Variants in OLFM3 observed in about 807,000 individuals in gnomAD.
OLFM3 encodes olfactomedin 3.
A neutral mutation model predicts 48.6 loss-of-function variants in OLFM3; 20 were observed. That is an observed-to-expected ratio of 0.41 (90% CI 0.29 to 0.60). The LOEUF (loss-of-function observed/expected upper bound fraction) is 0.60, where lower values mean the gene tolerates loss of function less well. Ranked by LOEUF, OLFM3 falls within the 20% of genes least tolerant of loss-of-function variation. The pLI, the probability that OLFM3 is intolerant of heterozygous loss-of-function variation, is 0.28. For synonymous variants in OLFM3, 222 were observed against 198.1 expected (o/e 1.12, Z -1.01); for missense variants, 437 against 544.3 (o/e 0.80, Z 1.96).
At chr1:101,827,307 A>T (rs1038422010) in intron 3 of OLFM3, among the ~76,000 whole-genome samples, 1 of 151,902 alleles carries the variant, frequency 6.6e-6, no homozygotes, top group Non-Finnish European at 1.5e-5. Context: ...GAAATTGTGT[A>T]ACAGAGGAAG....
intron 1 of OLFM3, among the ~76,000 whole-genome samples, chr1:101,918,280 G>T (rs948067005): frequency 1.3e-5 from 2 of 152,100 alleles, no homozygotes; most frequent in African/African-American, 4.8e-5. Context: ...TATCGCTCCT[G>T]TAACAAATTA....
chr1:101,818,432 T>C (rs1433146659), intron 4 of OLFM3, among the ~76,000 whole-genome samples: 3 of 152,118 alleles, frequency 2.0e-5, no homozygotes, highest in African/African-American at 4.8e-5. Flanking sequence ...ATGGAGACAT[T>C]GCCATTCTAT....
At chr1:101,873,254 A>C (rs1337778230) in intron 1 of OLFM3, among the ~76,000 whole-genome samples, 1 of 151,922 alleles carries the variant, frequency 6.6e-6, no homozygotes, top group Admixed American at 6.6e-5. Flanking sequence ...GCATATGTAT[A>C]TTCATTTATA....
At chr1:101,844,113 T>G (rs1655869097) in intron 1 of OLFM3, among the ~76,000 whole-genome samples, 1 of 152,012 alleles carries the variant, frequency 6.6e-6, no homozygotes, top group Non-Finnish European at 1.5e-5. Context: ...GCAGTAAGGG[T>G]CCCTTGGAAT....
At chr1:101,863,332 A>T (rs1412836721) in intron 1 of OLFM3, among the ~76,000 whole-genome samples, 2 of 152,112 alleles carry the variant, frequency 1.3e-5, no homozygotes, top group African/African-American at 4.8e-5. Flanking sequence ...CTATACTCAT[A>T]CTCCATTCAT....
At chr1:101,816,518 T>C (rs1654346238) in intron 4 of OLFM3, among the ~76,000 whole-genome samples, 1 of 152,138 alleles carries the variant, frequency 6.6e-6, no homozygotes, top group African/African-American at 2.4e-5. Context: ...TCCCATCAAT[T>C]TCACAGGAAA....
At chr1:101,948,974 A>G (rs901880155) in intron 1 of OLFM3, among the ~76,000 whole-genome samples, 3 of 151,042 alleles carry the variant, frequency 2.0e-5, no homozygotes, top group Admixed American at 1.3e-4. Flanking sequence ...CAAACTATGC[A>G]GGAAGTTAGG....
At chr1:101,937,513 A>T (rs1057039964) in intron 1 of OLFM3, among the ~76,000 whole-genome samples, 1 of 152,152 alleles carries the variant, frequency 6.6e-6, no homozygotes, top group Admixed American at 6.5e-5. Context: ...TATGACAGTG[A>T]ATAAGTCCCA....
chr1:101,891,008 T>C (rs984013975), intron 1 of OLFM3, among the ~76,000 whole-genome samples: 10 of 151,930 alleles, frequency 6.6e-5, no homozygotes, highest in Non-Finnish European at 1.0e-4. Context: ...ATTTAGATAA[T>C]CTGGGAATTC....
intron 1 of OLFM3, among the ~76,000 whole-genome samples, chr1:101,855,312 G>C (rs1368346801): frequency 1.3e-5 from 2 of 152,060 alleles, no homozygotes; most frequent in African/African-American, 2.4e-5. Flanking sequence ...TATAGTTAAG[G>C]AACAGAGACA....
In OLFM3 at chr1:101,981,271, A is replaced by G. The variant is rs1476955322; in HGVS notation, c.69+15477T>C. On this transcript the variant is annotated intron_variant, in intron 1 of 5. Coordinates refer to ENST00000370103, the MANE Select transcript of OLFM3 (RefSeq NM_058170.4). ...TACAAGGAAGCTTCCATGCACTCACACACTCTCTTAGCTGAACTTCCAACA... is the reference window on the plus strand; with the variant it reads ...TACAAGGAAGCTTCCATGCACTCACGCACTCTCTTAGCTGAACTTCCAACA... Among the ~76,000 whole-genome samples the G allele has an allele frequency of 2.0e-5, 3 of 151,680 alleles. No homozygotes were observed. The East Asian group carries it at 5.8e-4, about 29-fold the overall frequency.
chr1:101,846,861 G>A lies in OLFM3; in HGVS notation c.70-9836C>T, dbSNP rs192943638. On this transcript the variant is annotated intron_variant, in intron 1 of 5. Coordinates refer to ENST00000370103, the MANE Select transcript of OLFM3 (RefSeq NM_058170.4). Reference sequence around the variant, plus strand: ...GTAACTTACTAAGGTATCCGGAGTCGACAGCCTCGTGGTGTTCAGTCCCAC... The same window carrying A: ...GTAACTTACTAAGGTATCCGGAGTCAACAGCCTCGTGGTGTTCAGTCCCAC... 6.2e-4 allele frequency: 995 copies of A among 1,611,948 alleles called. 7 individuals are homozygous for A. Among genetic ancestry groups the A allele is most frequent in the Admixed American group, 5.2e-4 (31 of 59,986 alleles).
At chr1:101,819,415 A>G (rs1157962619) in intron 4 of OLFM3, among the ~76,000 whole-genome samples, 2 of 152,130 alleles carry the variant, frequency 1.3e-5, no homozygotes, top group East Asian at 3.9e-4. Flanking sequence ...GTATTGGGGA[A>G]AGATCACACT....
At chr1:101,886,079 C>A (rs191832979) in intron 1 of OLFM3, among the ~76,000 whole-genome samples, 1 of 152,096 alleles carries the variant, frequency 6.6e-6, no homozygotes. Flanking sequence ...CAAGCTTGAG[C>A]TTAATTTGGA....
chr1:101,985,066 C>T (rs888401413), intron 1 of OLFM3, among the ~76,000 whole-genome samples: 1 of 152,194 alleles, frequency 6.6e-6, no homozygotes, highest in Admixed American at 6.5e-5. Context: ...TTTTGGCTTT[C>T]CAGCTTCTAG....
intron 1 of OLFM3, among the ~76,000 whole-genome samples, chr1:101,972,770 A>C (rs1660841070): frequency 6.6e-6 from 1 of 152,190 alleles, no homozygotes. Context: ...TATTTTCTAA[A>C]ACCATCCCTA....
rs947889932 is a variant in OLFM3 at position 101,891,578 on chromosome 1, T to C, written c.70-54553A>G. ...CTCTCATTTTTGATGGATTTTTTTT[T>C]CCCTTAGGTTCAAAAGCCCACTGAA... On this transcript the variant is annotated intron_variant, in intron 1 of 5. Coordinates refer to ENST00000370103, the MANE Select transcript of OLFM3 (RefSeq NM_058170.4). 4.6e-5 allele frequency among the ~76,000 whole-genome samples: 7 copies of C among 151,904 alleles called. No individual in the cohort carries two copies. In the East Asian group the frequency reaches 5.8e-4, roughly 13 times the overall value.
chr1:101,921,198 T>TACACAC (rs1195579114), intron 1 of OLFM3, among the ~76,000 whole-genome samples: 3 of 56,076 alleles, frequency 5.3e-5, no homozygotes, highest in African/African-American at 6.1e-5. Context: ...TATTTAAGTT[T>TACACAC]ATACACACAC....
rs551131477 is a variant in OLFM3, at chr1:101,904,412, T to C, written c.70-67387A>G. 2.0e-5 allele frequency among the ~76,000 whole-genome samples: 3 copies of C among 152,176 alleles called. No individual in the cohort carries two copies. In the South Asian group the frequency reaches 6.2e-4, roughly 31 times the overall value. On this transcript the variant is annotated intron_variant, in intron 1 of 5. Coordinates refer to ENST00000370103, the MANE Select transcript of OLFM3 (RefSeq NM_058170.4). ...GGAGGAAGAGAGAGAAGTTCCATTT[T>C]TCATTTCTGAAGATGCAGCTGCTAG...
Sources: allele counts gnomAD v4.1 joint callset (sites outside exome capture counted in the v4.1 genomes callset), GRCh38; gene constraint gnomAD v4.1.1; transcripts MANE v1.5; gene names NCBI Gene and HGNC (gene_info 2026-07-23, HGNC 2026-07-21).